PRR5L: variants seen among roughly 807,000 people sequenced by gnomAD.
PRR5L encodes the protein proline rich 5 like, also known as proline-rich protein 5-like.
In PRR5L, 21 loss-of-function variants were observed where a neutral mutation model predicts 36.4. The observed-to-expected ratio is 0.58, with a 90% CI of 0.41 to 0.83. The LOEUF (loss-of-function observed/expected upper bound fraction) is 0.83, where lower values mean the gene tolerates loss of function less well. Among genes scored for constraint, PRR5L ranks in the 40% least tolerant of loss-of-function variants. The pLI is 0.00. For synonymous variants in PRR5L, 188 were observed against 197.0 expected (o/e 0.95, Z 0.38); for missense variants, 381 against 473.3 (o/e 0.80, Z 1.81).
At chr11:36,381,950 A>G (rs1333776691) in intron 1 of PRR5L, among the ~76,000 whole-genome samples, 1 of 152,004 alleles carries the variant, frequency 6.6e-6, no homozygotes, top group Non-Finnish European at 1.5e-5. Flanking sequence ...TGAGGTCAGG[A>G]GATCGAGACC....
chr11:36,462,666 C>T lies in PRR5L; in HGVS notation c.1037C>T (p.Pro346Leu), dbSNP rs770775646. 2 of 1,609,452 alleles carry T rather than the reference C, an allele frequency of 1.2e-6. No homozygotes were observed. The highest frequency in any genetic ancestry group is 4.5e-5 in the East Asian group (2 of 44,854). ...AGTGAGCCCAACATCACTGACAACCCTGACGGACTGGAGGAGGGGGCCAGG... is the reference window on the plus strand; with the variant it reads ...AGTGAGCCCAACATCACTGACAACCTTGACGGACTGGAGGAGGGGGCCAGG... ...CSSEPNITDN[P>L]DGLEEGARGS... The change falls in exon 9 of 9, where the codon CCT becomes CTT. Residue 346 changes from proline (P) to leucine (L), a missense_variant. Pro to Leu is a moderately conservative substitution (Grantham distance 98). Coordinates refer to ENST00000530639, the MANE Select transcript of PRR5L (RefSeq NM_001160167.2).
At chr11:36,299,181 G>A (rs1433063269) in intron 1 of PRR5L, among the ~76,000 whole-genome samples, 1 of 130,214 alleles carries the variant, frequency 7.7e-6, no homozygotes, top group South Asian at 2.4e-4. Flanking sequence ...TCTGGCTTAT[G>A]GAAAATGCTC....
intron 3 of PRR5L, among the ~76,000 whole-genome samples, chr11:36,416,694 C>T (rs1858150463): frequency 6.6e-6 from 1 of 152,186 alleles, no homozygotes; most frequent in African/African-American, 2.4e-5. Flanking sequence ...TCTACCTAGA[C>T]TTTTCTCTTC....
chr11:36,354,819 T>A (rs1470117089), intron 1 of PRR5L, among the ~76,000 whole-genome samples: 9 of 152,150 alleles, frequency 5.9e-5, no homozygotes, highest in Non-Finnish European at 1.3e-4. Flanking sequence ...GTGAAAAATG[T>A]TGAGTTTACA....
chr11:36,439,856 C>T (rs997518503), intron 6 of PRR5L, among the ~76,000 whole-genome samples: 2 of 152,100 alleles, frequency 1.3e-5, no homozygotes, highest in Non-Finnish European at 2.9e-5. Flanking sequence ...ATTTGGGTAA[C>T]AGGGATATGC....
chr11:36,398,014 C>T (rs980288126), intron 1 of PRR5L, among the ~76,000 whole-genome samples: 7 of 152,088 alleles, frequency 4.6e-5, no homozygotes, highest in African/African-American at 9.7e-5. Flanking sequence ...AGGCTGGTCT[C>T]GAACTCCTGA....
At chr11:36,352,833 A>G (rs1454510287) in intron 1 of PRR5L, among the ~76,000 whole-genome samples, 3 of 152,176 alleles carry the variant, frequency 2.0e-5, no homozygotes, top group Non-Finnish European at 4.4e-5. Flanking sequence ...TTGGACAGAG[A>G]GGACAGAGAG....
At chr11:36,345,452 G>A (rs1175074948) in intron 1 of PRR5L, among the ~76,000 whole-genome samples, 2 of 152,148 alleles carry the variant, frequency 1.3e-5, no homozygotes, top group South Asian at 2.1e-4. Flanking sequence ...ATTGTGCCCC[G>A]TGGATAGCAT....
chr11:36,345,224 G>T (rs544255413), intron 1 of PRR5L, among the ~76,000 whole-genome samples: 25 of 152,188 alleles, frequency 1.6e-4, no homozygotes, highest in African/African-American at 6.0e-4. Context: ...GGAAGAAGGG[G>T]GCACGTGACT....
chr11:36,357,291 C>T (rs1857037977), intron 1 of PRR5L, among the ~76,000 whole-genome samples: 1 of 152,186 alleles, frequency 6.6e-6, no homozygotes, highest in African/African-American at 2.4e-5. Context: ...AAACCTGTCT[C>T]CATTACATAA....
chr11:36,431,792 G>T, intron 4 of PRR5L, 61 bp from the exon 5 acceptor site: 1 of 1,485,032 alleles, frequency 6.7e-7, no homozygotes, highest in Non-Finnish European at 9.4e-7. Context: ...AGTGGAAGAG[G>T]GTTCATCACT....
rs1856805145 is a variant in PRR5L, at chr11:36,340,171, C to T, written c.-126+43733C>T. 2.0e-5 allele frequency among the ~76,000 whole-genome samples: 3 copies of T among 152,228 alleles called. No homozygotes were observed. The South Asian group carries it at 6.2e-4, about 32-fold the overall frequency. ...GCTCACCAATCTGTGTGGTTTTGTT[C>T]TGTCCAGCCCAGTATTTAATAATGT... On this transcript the variant is annotated intron_variant, in intron 1 of 8. Coordinates refer to ENST00000530639, the MANE Select transcript of PRR5L (RefSeq NM_001160167.2).
At chr11:36,323,351 C>T (rs1856630876) in intron 1 of PRR5L, 1 of 152,248 alleles carries the variant, frequency 6.6e-6, no homozygotes, top group Non-Finnish European at 1.5e-5. Context: ...CTGTTACCGA[C>T]CTCAGAGCTT....
At position 36,458,449 on chromosome 11, in the gene PRR5L, T is replaced by C. The variant is rs148761277; in HGVS notation, c.713-3893T>C. On this transcript the variant is annotated intron_variant, in intron 8 of 8. Transcript: ENST00000530639. Reference sequence around the variant, plus strand: ...GGAACACACTCTACACTCTAAATTCTATGTAATATCCTTTGATTTTGAAAA... The same window carrying C: ...GGAACACACTCTACACTCTAAATTCCATGTAATATCCTTTGATTTTGAAAA... Among the ~76,000 whole-genome samples, 4 of 152,392 alleles carry C rather than the reference T, an allele frequency of 2.6e-5. No homozygotes were observed. In the South Asian group the frequency reaches 6.2e-4, roughly 24 times the overall value.
intron 1 of PRR5L, chr11:36,396,108 A>G (rs1417605954): frequency 6.6e-6 from 1 of 152,236 alleles, no homozygotes; most frequent in African/African-American, 2.4e-5. Context: ...ATTTTGAAAT[A>G]TATAGGAAAA....
chr11:36,302,656 G>A (rs1402449345), intron 1 of PRR5L, among the ~76,000 whole-genome samples: 8 of 152,042 alleles, frequency 5.3e-5, no homozygotes, highest in East Asian at 1.9e-4. Context: ...GCATGGTGGC[G>A]GGCACCTGTA....
intron 3 of PRR5L, among the ~76,000 whole-genome samples, chr11:36,415,453 G>A (rs954758817): frequency 2.6e-5 from 4 of 152,336 alleles, no homozygotes; most frequent in Non-Finnish European, 5.9e-5. Flanking sequence ...TTTTAAAAAT[G>A]CATCTGTGGG....
intron 1 of PRR5L, among the ~76,000 whole-genome samples, chr11:36,302,472 A>AG (rs1206275855): frequency 2.0e-5 from 3 of 152,216 alleles, no homozygotes; most frequent in Admixed American, 6.5e-5. Context: ...CAGCATAACT[A>AG]GGGGGGCTTC....
chr11:36,339,274 A>G (rs887736393), intron 1 of PRR5L, among the ~76,000 whole-genome samples: 1 of 152,174 alleles, frequency 6.6e-6, no homozygotes, highest in Non-Finnish European at 1.5e-5. Flanking sequence ...TTGTATTTTT[A>G]GTAGAGACAT....
Sources: gnomAD v4.1 joint callset for allele counts (sites outside exome capture counted in the v4.1 genomes callset) on GRCh38, gnomAD v4.1.1 for gene constraint, MANE v1.5 for transcripts, NCBI Gene and HGNC (gene_info 2026-07-23, HGNC 2026-07-21) for gene names.